CALN1: variants seen among roughly 807,000 people sequenced by gnomAD.
CALN1 encodes calneuron 1.
Under a neutral mutation model 30.6 loss-of-function variants are expected in CALN1, and 17 were observed. The ratio of observed to expected loss-of-function variants is 0.56; its 90% CI spans 0.38 to 0.83. CALN1 has a LOEUF of 0.83. Among genes scored for constraint, CALN1 ranks in the 40% least tolerant of loss-of-function variants. The probability of loss-of-function intolerance (pLI) is 0.00; values close to 1 mark genes in which losing one functional copy is unlikely to be tolerated. For synonymous variants in CALN1, 156 were observed against 131.4 expected (o/e 1.19, Z -1.28); for missense variants, 291 against 354.9 (o/e 0.82, Z 1.45).
chr7:72,336,818 G>A (rs944124478), intron 2 of CALN1: 6 of 985,012 alleles, frequency 6.1e-6, no homozygotes, highest in African/African-American at 1.7e-5. Flanking sequence ...CGCCGAGCGG[G>A]CAGCGCTCAG....
At chr7:71,879,372 T>C (rs12699109) in intron 5 of CALN1, among the ~76,000 whole-genome samples, 27,360 of 152,090 alleles carry the variant, frequency 0.18, 4,231 homozygotes, top group East Asian at 0.43. Flanking sequence ...TAAGCCTACT[T>C]ACATCTCCCT....
Position 72,040,125 on chromosome 7 carries a change from T to C in CALN1, c.389-16356A>G, listed in dbSNP as rs542975510. Among the ~76,000 whole-genome samples the C allele has an allele frequency of 5.3e-5, 8 of 152,244 alleles. No individual in the cohort carries two copies. In the South Asian group the frequency reaches 1.5e-3, roughly 28 times the overall value. ...CACCCTGAGAAGGTTAGGAAAAAATTCAACTATTTCCCAAGGAAATTCTTT... is the reference window on the plus strand; with the variant it reads ...CACCCTGAGAAGGTTAGGAAAAAATCCAACTATTTCCCAAGGAAATTCTTT... On this transcript the variant is annotated intron_variant, in intron 4 of 6. Transcript: ENST00000395275.
At chr7:71,973,810 A>T (rs552273378) in intron 5 of CALN1, among the ~76,000 whole-genome samples, 1 of 152,316 alleles carries the variant, frequency 6.6e-6, no homozygotes, top group East Asian at 1.9e-4. Flanking sequence ...TAAGTGACTT[A>T]AGTAAAAAGA....
chr7:72,320,746 A>C (rs1394178715), intron 2 of CALN1, among the ~76,000 whole-genome samples: 1 of 150,670 alleles, frequency 6.6e-6, no homozygotes, highest in Non-Finnish European at 1.5e-5. Context: ...GAGACAGGAG[A>C]ATTGCTTGAG....
At chr7:72,321,453 A>G (rs931346550) in intron 2 of CALN1, among the ~76,000 whole-genome samples, 1 of 152,196 alleles carries the variant, frequency 6.6e-6, no homozygotes, top group African/African-American at 2.4e-5. Flanking sequence ...AGAAATCTAT[A>G]GGTTACAAGT....
At chr7:71,954,160 T>C (rs1165520172) in intron 5 of CALN1, among the ~76,000 whole-genome samples, 1 of 151,680 alleles carries the variant, frequency 6.6e-6, no homozygotes, top group East Asian at 2.0e-4. Flanking sequence ...ATCATCTCTA[T>C]GAGAAATTTT....
intron 2 of CALN1, among the ~76,000 whole-genome samples, chr7:72,279,439 T>C (rs1304564390): frequency 6.6e-6 from 1 of 152,174 alleles, no homozygotes; most frequent in African/African-American, 2.4e-5. Flanking sequence ...GAAATGCTAA[T>C]CACACCTGCC....
chr7:72,192,452 G>T (rs946037893), intron 3 of CALN1, among the ~76,000 whole-genome samples: 1 of 152,082 alleles, frequency 6.6e-6, no homozygotes, highest in Admixed American at 6.6e-5. Context: ...CTAGAGGCTG[G>T]ATTTTATACA....
chr7:72,356,760 A>G (rs753245266), intron 2 of CALN1, among the ~76,000 whole-genome samples: 1 of 152,052 alleles, frequency 6.6e-6, no homozygotes, highest in African/African-American at 2.4e-5. Context: ...AAATTACAAC[A>G]TAAGAGAAGA....
intron 5 of CALN1, among the ~76,000 whole-genome samples, chr7:71,881,637 C>G (rs1374680410): frequency 6.6e-6 from 1 of 152,158 alleles, no homozygotes; most frequent in African/African-American, 2.4e-5. Flanking sequence ...CCGATTAGAG[C>G]TCAACAGCCT....
intron 5 of CALN1, among the ~76,000 whole-genome samples, chr7:71,825,079 A>G (rs1257919269): frequency 1.3e-5 from 2 of 152,170 alleles, no homozygotes; most frequent in African/African-American, 4.8e-5. Flanking sequence ...AGCGCAAACA[A>G]TGCAGCCTCT....
chr7:72,431,005 C>T (rs905013287), intron 1 of CALN1, among the ~76,000 whole-genome samples: 1 of 144,284 alleles, frequency 6.9e-6, no homozygotes, highest in Non-Finnish European at 1.5e-5. Flanking sequence ...TCTCGGCTCA[C>T]TGCAACCTCC....
chr7:72,306,066 C>T (rs1419433120), intron 2 of CALN1, among the ~76,000 whole-genome samples: 2 of 152,150 alleles, frequency 1.3e-5, no homozygotes, highest in Non-Finnish European at 2.9e-5. Flanking sequence ...CCCTACAAAC[C>T]ATAAACACTC....
intron 3 of CALN1, among the ~76,000 whole-genome samples, chr7:72,157,296 C>G (rs1278483377): frequency 6.6e-6 from 1 of 152,122 alleles, no homozygotes; most frequent in African/African-American, 2.4e-5. Context: ...AATTCCTGAT[C>G]TAGGAAGATA....
intron 5 of CALN1, among the ~76,000 whole-genome samples, chr7:72,003,227 T>C (rs1799612177): frequency 6.6e-6 from 1 of 152,190 alleles, no homozygotes. Flanking sequence ...ACAATAAACA[T>C]GTTACATTCA....
At chr7:72,379,596 T>C (rs370275499) in intron 2 of CALN1, among the ~76,000 whole-genome samples, 22 of 152,266 alleles carry the variant, frequency 1.4e-4, no homozygotes, top group East Asian at 1.3e-3. Flanking sequence ...ACAGTGTTCA[T>C]GACCCAGGTC....
At chr7:72,018,991 C>T (rs1800555374) in intron 5 of CALN1, among the ~76,000 whole-genome samples, 2 of 149,520 alleles carry the variant, frequency 1.3e-5, no homozygotes, top group Admixed American at 1.3e-4. Flanking sequence ...CGATTACCAC[C>T]ATATCCAGCT....
intron 3 of CALN1, among the ~76,000 whole-genome samples, chr7:72,220,652 C>A: frequency 6.6e-6 from 1 of 152,178 alleles, no homozygotes; most frequent in Non-Finnish European, 1.5e-5. Context: ...AGTTTACAGT[C>A]CCACCAACAG....
Position 72,302,893 on chromosome 7 carries a change from C to CAAAAAA in CALN1, c.120-24089_120-24084dup, listed in dbSNP as rs71069055. 1.9e-3 allele frequency among the ~76,000 whole-genome samples: 92 copies of CAAAAAA among 48,714 alleles called. 2 individuals carry two copies. Among genetic ancestry groups the CAAAAAA allele is most frequent in the African/African-American group, 2.6e-3 (35 of 13,210 alleles). The allele number at this position is 48,714 out of a possible 152,430, so 32.0% of individuals were successfully genotyped here. On this transcript the variant is annotated intron_variant, in intron 2 of 6. Transcript: ENST00000395275. Reference sequence around the variant, plus strand: ...AGGCTTGGAGAGAGAGTGAGGGTCTCAAAAAAAAAAAAAAAAAAAAAAAAC... The same window carrying CAAAAAA: ...AGGCTTGGAGAGAGAGTGAGGGTCTCAAAAAAAAAAAAAAAAAAAAAAAAAAAAAAC...
Sources: gnomAD v4.1 joint callset for allele counts (sites outside exome capture counted in the v4.1 genomes callset) on GRCh38, gnomAD v4.1.1 for gene constraint, MANE v1.5 for transcripts, NCBI Gene and HGNC (gene_info 2026-07-23, HGNC 2026-07-21) for gene names.